Variants in RAD51 observed in about 807,000 individuals in gnomAD.
RAD51 encodes the protein RAD51 recombinase, also known as DNA repair protein RAD51 homolog 1.
In RAD51, 14 loss-of-function variants were observed where a neutral mutation model predicts 41.5. The ratio of observed to expected loss-of-function variants is 0.34; its 90% CI spans 0.22 to 0.53. The LOEUF (loss-of-function observed/expected upper bound fraction) is 0.53, where lower values mean the gene tolerates loss of function less well. Ranked by LOEUF, RAD51 falls within the 20% of genes least tolerant of loss-of-function variation. RAD51 has a pLI of 0.95. For synonymous variants in RAD51, 136 were observed against 148.6 expected, an observed-to-expected ratio of 0.92 and a Z score of 0.62; for missense variants, 234 against 422.0, an observed-to-expected ratio of 0.55 and a Z score of 3.90.
chr15:40,702,463 A>G (rs1290110553), intron 3 of RAD51, among the ~76,000 whole-genome samples: 1 of 152,112 alleles, frequency 6.6e-6, no homozygotes, highest in Non-Finnish European at 1.5e-5. Context: ...TTACTTTTCA[A>G]TATTTTATGT....
intron 6 of RAD51, among the ~76,000 whole-genome samples, chr15:40,725,907 A>C (rs577911370): frequency 2.6e-5 from 4 of 152,028 alleles, no homozygotes; most frequent in African/African-American, 9.6e-5. Context: ...AATCACTTGA[A>C]CCCAGGAGGC....
intron 6 of RAD51, among the ~76,000 whole-genome samples, chr15:40,724,819 C>T (rs1257789953): frequency 6.7e-6 from 1 of 149,478 alleles, no homozygotes; most frequent in Non-Finnish European, 1.5e-5. Context: ...GCTGGGACTA[C>T]AGGCTTCCGC....
intron 2 of RAD51, 115 bp downstream of exon 2, chr15:40,698,960 G>C (rs1894821040): frequency 9.9e-7 from 1 of 1,010,980 alleles, no homozygotes; most frequent in Non-Finnish European, 1.5e-6. Flanking sequence ...ACCCAAATTA[G>C]ACTTTTCAGA....
At chr15:40,717,516 G>C (rs1896050323) in intron 5 of RAD51, among the ~76,000 whole-genome samples, 2 of 152,138 alleles carry the variant, frequency 1.3e-5, no homozygotes, top group Admixed American at 1.3e-4. Context: ...ATCTGGTATG[G>C]AATGGGTAGT....
chr15:40,701,667 CA>C (rs1201408796), intron 3 of RAD51: 1 of 225,086 alleles, frequency 4.4e-6, no homozygotes, highest in Non-Finnish European at 9.0e-6. Flanking sequence ...CTTTAACATA[CA>C]TACTTCCCCA....
chr15:40,716,089 T>C (rs1291666250), intron 5 of RAD51, among the ~76,000 whole-genome samples: 3 of 152,222 alleles, frequency 2.0e-5, no homozygotes, highest in Non-Finnish European at 4.4e-5. Context: ...TCCGTAACTG[T>C]ATACACTAAA....
chr15:40,697,574 CTTTTT>C (rs11340353), intron 1 of RAD51, among the ~76,000 whole-genome samples: 3 of 105,514 alleles, frequency 2.8e-5, no homozygotes, highest in Admixed American at 1.1e-4. Context: ...GATGATATTT[CTTTTT>C]TTTTTTTTTT....
At chr15:40,719,721 A>C (rs1418358127) in intron 6 of RAD51, among the ~76,000 whole-genome samples, 1 of 151,842 alleles carries the variant, frequency 6.6e-6, no homozygotes, top group African/African-American at 2.4e-5. Context: ...AGTCCCAGCT[A>C]CTCGGGAGGC....
intron 7 of RAD51, 139 bp from the exon 8 acceptor site, chr15:40,729,366 C>A: frequency 4.3e-6 from 4 of 926,754 alleles, no homozygotes; most frequent in Non-Finnish European, 6.1e-6. Context: ...GAGCTAGACT[C>A]CATCTCAAAA....
Position 40,709,038 on chromosome 15 carries a change from T to C in RAD51, c.357T>C (p.Thr119=). The change falls in exon 5 of 10, where the codon ACT becomes ACC. Residue 119 remains threonine, a synonymous_variant. Transcript: ENST00000267868. ...LDKLLQGGIE[T]GSITEMFGEF... ...TCGCTTTTTTAGGTGGAATTGAGAC[T>C]GGATCTATCACAGAAATGTTTGGAG... The C allele has an allele frequency of 6.2e-7, 1 of 1,613,838 alleles. No individual in the cohort carries two copies. Among genetic ancestry groups the C allele is most frequent in the Non-Finnish European group, 8.5e-7 (1 of 1,179,704 alleles).
chr15:40,713,098 C>T (rs998037842), intron 5 of RAD51, among the ~76,000 whole-genome samples: 1 of 151,636 alleles, frequency 6.6e-6, no homozygotes, highest in Admixed American at 6.6e-5. Context: ...CCAGGCTGGT[C>T]TCAAACTCCT....
At chr15:40,698,502 G>A (rs896675406) in intron 1 of RAD51, among the ~76,000 whole-genome samples, 1 of 152,100 alleles carries the variant, frequency 6.6e-6, no homozygotes, top group Admixed American at 6.6e-5. Context: ...AACTTTTTTA[G>A]ATTCTACATA....
chr15:40,698,940 C>T, intron 2 of RAD51, 95 bp downstream of exon 2: 1 of 1,269,948 alleles, frequency 7.9e-7, no homozygotes, highest in East Asian at 2.4e-5. Flanking sequence ...GGTTTACTAC[C>T]AAGGTCAAGA....
intron 6 of RAD51, among the ~76,000 whole-genome samples, chr15:40,726,205 A>G (rs148748648): frequency 6.6e-6 from 1 of 151,822 alleles, no homozygotes; most frequent in African/African-American, 2.4e-5. Context: ...CTCTTCCCTG[A>G]TAATTGTAAT....
chr15:40,719,126 C>G (rs1034159583), intron 6 of RAD51, among the ~76,000 whole-genome samples: 3 of 150,866 alleles, frequency 2.0e-5, no homozygotes, highest in Non-Finnish European at 4.4e-5. Context: ...GGCGTGATCT[C>G]AGGTCACTGC....
chr15:40,730,919 A>G, intron 9 of RAD51, 136 bp from the exon 10 acceptor site: 3 of 1,176,008 alleles, frequency 2.6e-6, no homozygotes, highest in Non-Finnish European at 3.6e-6. Context: ...TGCACTAAGG[A>G]AAACAGTACA....
intron 3 of RAD51, among the ~76,000 whole-genome samples, chr15:40,704,994 G>C (rs1872995932): frequency 6.6e-6 from 1 of 151,896 alleles, no homozygotes; most frequent in Non-Finnish European, 1.5e-5. Flanking sequence ...AACATTTTTA[G>C]AGCCAGGGTG....
At chr15:40,711,245 A>AAAAC (rs755951126) in intron 5 of RAD51, among the ~76,000 whole-genome samples, 2 of 152,158 alleles carry the variant, frequency 1.3e-5, no homozygotes, top group African/African-American at 4.8e-5. Context: ...GCCATTTCTA[A>AAAAC]AAACAAACAA....
chr15:40,706,400 A>G, intron 4 of RAD51, 106 bp downstream of exon 4: 1 of 999,940 alleles, frequency 1.0e-6, no homozygotes, highest in Non-Finnish European at 1.6e-6. Context: ...AGATAATGAT[A>G]AAGAGATAGA....
Sources: gnomAD v4.1 joint callset for allele counts (sites outside exome capture counted in the v4.1 genomes callset) on GRCh38, gnomAD v4.1.1 for gene constraint, MANE v1.5 for transcripts, NCBI Gene and HGNC (gene_info 2026-07-23, HGNC 2026-07-21) for gene names.